The following GRM5 variants were observed in gnomAD, a reference collection of about 807,000 sequenced individuals.
GRM5 encodes the protein metabotropic glutamate receptor 5.
Under a neutral mutation model 83.1 loss-of-function variants are expected in GRM5, and 19 were observed. That is an observed-to-expected ratio of 0.23 (90% CI 0.16 to 0.34). The LOEUF (loss-of-function observed/expected upper bound fraction) is 0.34, where lower values mean the gene tolerates loss of function less well. Among genes scored for constraint, GRM5 ranks in the 10% least tolerant of loss-of-function variants. The pLI is 1.00. For synonymous variants in GRM5, 675 were observed against 633.6 expected (o/e 1.07, Z -0.98); for missense variants, 1,160 against 1,588.3 (o/e 0.73, Z 4.58).
intron 2 of GRM5, among the ~76,000 whole-genome samples, chr11:88,982,369 C>T (rs939007062): frequency 6.6e-6 from 1 of 152,038 alleles, no homozygotes; most frequent in African/African-American, 2.4e-5. Context: ...TTACATAAGT[C>T]TCAATTCTAA....
At chr11:88,786,244 G>T (rs879275323) in intron 3 of GRM5, among the ~76,000 whole-genome samples, 1 of 152,088 alleles carries the variant, frequency 6.6e-6, no homozygotes, top group African/African-American at 2.4e-5. Context: ...AATGTGAATA[G>T]GAATTTGATA....
chr11:88,775,458 T>C (rs1282820108), intron 3 of GRM5, among the ~76,000 whole-genome samples: 2 of 152,168 alleles, frequency 1.3e-5, no homozygotes, highest in Non-Finnish European at 2.9e-5. Context: ...GCTCTGATCT[T>C]AGTTATTTCT....
chr11:88,959,933 T>C (rs534970587), intron 2 of GRM5, among the ~76,000 whole-genome samples: 40 of 152,322 alleles, frequency 2.6e-4, no homozygotes, highest in African/African-American at 9.4e-4. Context: ...TTGTTTTCCA[T>C]AGAACATTTT....
At chr11:88,805,808 A>G (rs1181870570) in intron 3 of GRM5, among the ~76,000 whole-genome samples, 3 of 152,300 alleles carry the variant, frequency 2.0e-5, no homozygotes, top group Non-Finnish European at 2.9e-5. Flanking sequence ...TCATGAATAA[A>G]TATATCTCTC....
At chr11:88,523,994 T>C (rs1162093954) in intron 9 of GRM5, 1 of 152,132 alleles carries the variant, frequency 6.6e-6, no homozygotes, top group Non-Finnish European at 1.5e-5. Context: ...TCCTTTTCTC[T>C]AATCCAGGAT....
At chr11:89,061,560 A>C (rs1390075922) in intron 1 of GRM5, among the ~76,000 whole-genome samples, 1 of 152,242 alleles carries the variant, frequency 6.6e-6, no homozygotes, top group Non-Finnish European at 1.5e-5. Flanking sequence ...AATCAGAGCC[A>C]AAATTAAAAA....
chr11:88,563,581 C>T (rs970145690), intron 8 of GRM5, among the ~76,000 whole-genome samples: 1 of 152,142 alleles, frequency 6.6e-6, no homozygotes, highest in African/African-American at 2.4e-5. Flanking sequence ...CAGAACAGGG[C>T]TGGGTCGAGC....
chr11:88,764,410 T>A (rs1435411822), intron 3 of GRM5, among the ~76,000 whole-genome samples: 1 of 151,674 alleles, frequency 6.6e-6, no homozygotes, highest in Non-Finnish European at 1.5e-5. Context: ...ACATTGTTTT[T>A]ATGTGCATAT....
intron 9 of GRM5, among the ~76,000 whole-genome samples, chr11:88,522,574 TCTCTCTCTCTCTCG>T (rs1236177045): frequency 7.0e-6 from 1 of 143,560 alleles, no homozygotes; most frequent in Non-Finnish European, 1.5e-5. Context: ...CTCTCTTCTC[TCTCTCTCTCTCTCG>T]CTCTCTCTCT....
At chr11:88,537,921 GA>G (rs1942172735) in intron 8 of GRM5, among the ~76,000 whole-genome samples, 1 of 152,084 alleles carries the variant, frequency 6.6e-6, no homozygotes, top group Non-Finnish European at 1.5e-5. Context: ...TGTGTTCTGT[GA>G]AAATAATGGA....
At chr11:88,822,149 A>G (rs192222779) in intron 3 of GRM5, among the ~76,000 whole-genome samples, 29 of 152,310 alleles carry the variant, frequency 1.9e-4, no homozygotes, top group African/African-American at 6.7e-4. Context: ...ATACAATGGT[A>G]AAGAAATAGA....
intron 2 of GRM5, among the ~76,000 whole-genome samples, chr11:88,933,694 C>T (rs189085323): frequency 2.0e-5 from 3 of 151,968 alleles, no homozygotes; most frequent in Middle Eastern, 3.4e-3. Flanking sequence ...CCATTACTTA[C>T]TGCTGCTCTA....
intron 2 of GRM5, among the ~76,000 whole-genome samples, chr11:88,858,195 C>T (rs560404432): frequency 1.1e-4 from 17 of 152,026 alleles, no homozygotes; most frequent in African/African-American, 3.6e-4. Flanking sequence ...AGAAAATTTG[C>T]TTTAGTTATT....
At chr11:88,531,135 G>A (rs1456885204) in intron 8 of GRM5, among the ~76,000 whole-genome samples, 1 of 151,996 alleles carries the variant, frequency 6.6e-6, no homozygotes, top group African/African-American at 2.4e-5. Context: ...TGTATGTAAG[G>A]GTGTGATATA....
intron 9 of GRM5, among the ~76,000 whole-genome samples, chr11:88,513,656 G>T (rs1379961668): frequency 6.6e-6 from 1 of 152,082 alleles, no homozygotes; most frequent in Non-Finnish European, 1.5e-5. Context: ...TGGAAAGAAA[G>T]GACCCAGATT....
intron 3 of GRM5, among the ~76,000 whole-genome samples, chr11:88,760,995 A>C (rs1942502236): frequency 2.0e-5 from 3 of 152,070 alleles, no homozygotes; most frequent in African/African-American, 7.2e-5. Flanking sequence ...AGTCTCAAAA[A>C]ATGCAATACT....
Position 88,667,076 on chromosome 11 carries a change from A to T in GRM5, c.912-13673T>A, listed in dbSNP as rs538810465. 1.5e-3 allele frequency among the ~76,000 whole-genome samples: 226 copies of T among 152,274 alleles called. 1 individual carries two copies. The highest frequency in any genetic ancestry group is 5.1e-3 in the African/African-American group (212 of 41,578). ...GTAAGTTGAAAGCAGTAATTTTTTT[A>T]AAAAAGAGAAATTTAAGAAACTAAA... is the stretch of plus-strand genomic sequence containing the variant. On this transcript the variant is annotated intron_variant, in intron 3 of 9. Transcript: ENST00000305447.
chr11:88,976,358 T>G lies in GRM5; in HGVS notation c.661+70854A>C, dbSNP rs557379444. On this transcript the variant is annotated intron_variant, in intron 2 of 9. Transcript: ENST00000305447. ...GGAGTGTACTTCGGTCTCGTGAATC[T>G]TGCGAATCTACCATTTCCTCTCCTT... Among the ~76,000 whole-genome samples, 3 of 152,288 alleles carry G rather than the reference T, an allele frequency of 2.0e-5. No individual in the cohort carries two copies. The South Asian group carries it at 6.2e-4, about 32-fold the overall frequency.
At chr11:88,568,728 G>A (rs1942922353) in intron 7 of GRM5, among the ~76,000 whole-genome samples, 1 of 152,088 alleles carries the variant, frequency 6.6e-6, no homozygotes, top group African/African-American at 2.4e-5. Flanking sequence ...GAATGGATGT[G>A]GGAGTGTGTG....
Sources: gnomAD v4.1 joint callset for allele counts (sites outside exome capture counted in the v4.1 genomes callset) on GRCh38, gnomAD v4.1.1 for gene constraint, MANE v1.5 for transcripts, NCBI Gene and HGNC (gene_info 2026-07-23, HGNC 2026-07-21) for gene names.